The following EXD2 variants were observed in gnomAD, a reference collection of about 807,000 sequenced individuals.
EXD2 encodes exonuclease 3'-5' domain-containing protein 2.
A neutral mutation model predicts 62.5 loss-of-function variants in EXD2; 40 were observed. That is an observed-to-expected ratio of 0.64 (90% CI 0.50 to 0.83). The LOEUF (loss-of-function observed/expected upper bound fraction) is 0.83, where lower values mean the gene tolerates loss of function less well. Ranked by LOEUF, EXD2 falls within the 40% of genes least tolerant of loss-of-function variation. The probability of loss-of-function intolerance (pLI) is 0.00; values close to 1 mark genes in which losing one functional copy is unlikely to be tolerated. For synonymous variants in EXD2, 239 were observed against 291.9 expected, an observed-to-expected ratio of 0.82 and a Z score of 1.85; for missense variants, 671 against 761.8, an observed-to-expected ratio of 0.88 and a Z score of 1.40.
intron 3 of EXD2, chr14:69,223,984 G>A (rs2043273867): frequency 6.6e-6 from 1 of 152,338 alleles, no homozygotes. Context: ...GGCAAAGCGG[G>A]AACAGGCATC....
At chr14:69,204,509 G>A (rs755201607) in intron 2 of EXD2, among the ~76,000 whole-genome samples, 178 of 152,264 alleles carry the variant, frequency 1.2e-3, no homozygotes, top group Non-Finnish European at 1.9e-3. Context: ...GCAGTGAGCC[G>A]TGATTGTGCT....
intron 9 of EXD2, among the ~76,000 whole-genome samples, chr14:69,240,073 T>C (rs2043930037): frequency 6.6e-6 from 1 of 152,116 alleles, no homozygotes; most frequent in East Asian, 1.9e-4. Flanking sequence ...AATAATAAAG[T>C]GTCTGCAGAT....
chr14:69,230,077 T>C (rs1223923419), intron 4 of EXD2, among the ~76,000 whole-genome samples: 1 of 152,158 alleles, frequency 6.6e-6, no homozygotes, highest in African/African-American at 2.4e-5. Flanking sequence ...CTCCCCAGAA[T>C]GCCACTGTCA....
chr14:69,209,795 T>C lies in EXD2; in HGVS notation c.325T>C (p.Cys109Arg). 1 of 1,449,126 alleles carries C rather than the reference T, an allele frequency of 6.9e-7. No individual in the cohort carries two copies. The highest frequency in any genetic ancestry group is 1.4e-5 in the South Asian group (1 of 69,514). The allele number at this position is 1,449,126 out of a possible 1,614,324, so 89.8% of individuals were successfully genotyped here. Residue 109 changes from cysteine (C) to arginine (R), a missense_variant, in exon 3 of 10, where the codon TGT (cysteine) becomes CGT (arginine). Physicochemically the swap from Cys to Arg is radical, Grantham distance 180. Coordinates refer to ENST00000685843, the MANE Select transcript of EXD2 (RefSeq NM_001193360.2). Reference protein sequence around the residue: ...LEDFPVLGIDCEWVNLEGKAS... With the variant: ...LEDFPVLGIDREWVNLEGKAS... ...AGATTTTCCAGTACTTGGAATTGACTGTGAGTGGGTAAGTTAAAAAGCAAA... is the reference window on the plus strand; with the variant it reads ...AGATTTTCCAGTACTTGGAATTGACCGTGAGTGGGTAAGTTAAAAAGCAAA...
At chr14:69,221,610 A>T (rs1366190222) in intron 3 of EXD2, among the ~76,000 whole-genome samples, 1 of 151,864 alleles carries the variant, frequency 6.6e-6, no homozygotes, top group East Asian at 1.9e-4. Flanking sequence ...TTACAAAAAA[A>T]TTAAAAAATT....
chr14:69,224,212 G>A (rs1412998199), intron 3 of EXD2: 1 of 152,430 alleles, frequency 6.6e-6, no homozygotes, highest in Non-Finnish European at 1.5e-5. Context: ...ATGTTGCCCA[G>A]GCTGGTATCA....
chr14:69,208,209 T>TG (rs2042676729), intron 2 of EXD2, among the ~76,000 whole-genome samples: 1 of 78,004 alleles, frequency 1.3e-5, no homozygotes, highest in African/African-American at 6.5e-5. Context: ...GGCCACTTAC[T>TG]ATTTTTTTTT....
rs549580495 is a variant in EXD2 at position 69,230,118 on chromosome 14, G to C, written c.591-354G>C. Among the ~76,000 whole-genome samples, 6 of 152,238 alleles carry C rather than the reference G, an allele frequency of 3.9e-5. No homozygotes were observed. In the East Asian group the frequency reaches 7.7e-4, roughly 20 times the overall value. Reference sequence around the variant, plus strand: ...TGCTGTTAGAGGCAGTGTGGATAGAGGCTAAAAGCTGACTCGGGAGCACAC... The same window carrying C: ...TGCTGTTAGAGGCAGTGTGGATAGACGCTAAAAGCTGACTCGGGAGCACAC... On this transcript the variant is annotated intron_variant, in intron 4 of 9. Transcript: ENST00000685843.
chr14:69,211,456 C>G (rs1422258566), intron 3 of EXD2, among the ~76,000 whole-genome samples: 1 of 148,978 alleles, frequency 6.7e-6, no homozygotes, highest in East Asian at 2.0e-4. Context: ...TCCACAAAAT[C>G]AGTTCACAGG....
At chr14:69,215,398 C>T (rs1249050802) in intron 3 of EXD2, among the ~76,000 whole-genome samples, 1 of 152,066 alleles carries the variant, frequency 6.6e-6, no homozygotes, top group Non-Finnish European at 1.5e-5. Context: ...AACATTTACA[C>T]TCATTATTGG....
chr14:69,209,753 C>G lies in EXD2; in HGVS notation c.283C>G (p.Leu95Val). The change falls in exon 3 of 10, where the codon CTT (leucine) becomes GTT (valine). Residue 95 changes from leucine (L) to valine (V), a missense_variant. Coordinates refer to ENST00000685843, the MANE Select transcript of EXD2 (RefSeq NM_001193360.2). ...AGAGTGGGATCAAATCGAGCCCTTG[C>G]TTAGAAGTGAATTAGAAGATTTTCC... ...EAEWDQIEPL[L>V]RSELEDFPVL... 6.5e-7 allele frequency: 1 copy of G among 1,535,520 alleles called. No homozygotes were observed. The highest frequency in any genetic ancestry group is 1.2e-5 in the South Asian group (1 of 82,338).
At chr14:69,217,937 C>G (rs1329143800) in intron 3 of EXD2, among the ~76,000 whole-genome samples, 1 of 152,212 alleles carries the variant, frequency 6.6e-6, no homozygotes, top group Non-Finnish European at 1.5e-5. Context: ...TCCAGTCTAT[C>G]ATTGATGGAC....
intron 3 of EXD2, chr14:69,210,070 T>A (rs1005354694): frequency 1.7e-5 from 5 of 294,124 alleles, no homozygotes; most frequent in African/African-American, 4.4e-5. Flanking sequence ...GACAAGCTAT[T>A]TAGCCTCTCT....
At chr14:69,225,713 A>G (rs1472516717) in intron 3 of EXD2, among the ~76,000 whole-genome samples, 1 of 152,180 alleles carries the variant, frequency 6.6e-6, no homozygotes, top group Non-Finnish European at 1.5e-5. Flanking sequence ...CTTGTTTCCC[A>G]TGAGTAGTGA....
chr14:69,220,596 T>C (rs1219906710), intron 3 of EXD2, among the ~76,000 whole-genome samples: 1 of 132,748 alleles, frequency 7.5e-6, no homozygotes, highest in Non-Finnish European at 1.6e-5. Context: ...TTGGGCCGGG[T>C]GCAGTGGCTC....
At chr14:69,193,161 C>G (rs1431885798) in intron 1 of EXD2, among the ~76,000 whole-genome samples, 5 of 151,448 alleles carry the variant, frequency 3.3e-5, no homozygotes, top group African/African-American at 1.2e-4. Context: ...CAGGTTCAAG[C>G]GATTCTCCTG....
At chr14:69,217,315 G>C (rs61980284) in intron 3 of EXD2, among the ~76,000 whole-genome samples, 47,670 of 151,994 alleles carry the variant, frequency 0.31, 9,885 homozygotes, top group East Asian at 0.92. Flanking sequence ...TCAGCCTCCC[G>C]AGTAGCTGGG....
At chr14:69,236,252 A>C in intron 7 of EXD2, 100 bp downstream of exon 7, 1 of 1,501,500 alleles carries the variant, frequency 6.7e-7, no homozygotes, top group Non-Finnish European at 9.3e-7. Context: ...AGAAGAAGGC[A>C]GAGAGACCGT....
intron 4 of EXD2, among the ~76,000 whole-genome samples, 163 bp from the exon 5 acceptor site, chr14:69,230,309 T>TTA (rs1218056915): frequency 6.6e-6 from 1 of 152,234 alleles, no homozygotes; most frequent in Non-Finnish European, 1.5e-5. Context: ...CAGAAAGGAT[T>TTA]TATAAAGTGT....
Sources: allele counts gnomAD v4.1 joint callset (sites outside exome capture counted in the v4.1 genomes callset), GRCh38; gene constraint gnomAD v4.1.1; transcripts MANE v1.5; gene names NCBI Gene and HGNC (gene_info 2026-07-23, HGNC 2026-07-21).